ATXN7L3: variants seen among roughly 807,000 people sequenced by gnomAD.
ATXN7L3 encodes ataxin 7 like 3, also known as ataxin-7-like protein 3.
Under a neutral mutation model 50.0 loss-of-function variants are expected in ATXN7L3, and 6 were observed. The ratio of observed to expected loss-of-function variants is 0.12; its 90% CI spans 0.07 to 0.24. The LOEUF is 0.24. ATXN7L3 is among the 10% of genes least tolerant of loss of function. The pLI is 1.00. For missense variants in ATXN7L3, 322 were observed against 451.3 expected (o/e 0.71, Z 2.60); for synonymous variants, 198 against 165.8 (o/e 1.19, Z -1.49).
intron 1 of ATXN7L3, 21 bp from the exon 2 acceptor site, chr17:44,198,151 G>A (rs2055990292): frequency 1.4e-6 from 2 of 1,420,588 alleles, no homozygotes; most frequent in Non-Finnish European, 2.0e-6. Context: ...GGGGGTGGGG[G>A]TGTTGTTGTG....
At chr17:44,195,520 G>A (rs563567969) in intron 8 of ATXN7L3, 33 bp from the exon 9 acceptor site, 17 of 1,590,152 alleles carry the variant, frequency 1.1e-5, no homozygotes, top group South Asian at 6.6e-5. Context: ...GGTTAGAGAT[G>A]GGGCAGAGAA....
chr17:44,196,237 C>G (rs2055884573), intron 6 of ATXN7L3, 158 bp from the exon 7 acceptor site: 2 of 773,524 alleles, frequency 2.6e-6, no homozygotes, highest in African/African-American at 1.8e-5. Flanking sequence ...CCCCCACCCC[C>G]CTTCCCCACC....
At chr17:44,197,901 GCTATTCC>G (rs1445294059) in intron 2 of ATXN7L3, 112 bp downstream of exon 2, 11 of 1,509,410 alleles carry the variant, frequency 7.3e-6, no homozygotes, top group Non-Finnish European at 1.0e-5. Flanking sequence ...TTTTCAGCTG[GCTATTCC>G]CTTTAAGGAA....
rs1049948174 is a variant in ATXN7L3, at chr17:44,194,925, A to G, written c.666-86T>C. The G allele has an allele frequency of 3.9e-6, 6 of 1,527,790 alleles. No individual in the cohort carries two copies. The Admixed American group carries it at 8.5e-5, about 22-fold the overall frequency. The allele number at this position is 1,527,790 out of a possible 1,614,324, so 94.6% of individuals were successfully genotyped here. A position where few individuals can be genotyped will look rare whatever the true frequency, so the allele number is the denominator to read the frequency against. On this transcript the variant is annotated intron_variant, in intron 10 of 12. Transcript: ENST00000587097. ...CAAGGCAGGAGCCACAGGCACAGACAGGGAAGGGGTGAATGCAGATTCATC... is the reference window on the plus strand; with the variant it reads ...CAAGGCAGGAGCCACAGGCACAGACGGGGAAGGGGTGAATGCAGATTCATC...
chr17:44,194,738 AC>A (rs764591254), intron 11 of ATXN7L3, 29 bp downstream of exon 11: 5 of 1,613,600 alleles, frequency 3.1e-6, no homozygotes, highest in Middle Eastern at 1.7e-4. Flanking sequence ...ACTGGTCACA[AC>A]CCCCCACCCT....
chr17:44,194,447 T>C, intron 12 of ATXN7L3, 36 bp from the exon 13 acceptor site: 1 of 1,613,570 alleles, frequency 6.2e-7, no homozygotes, highest in South Asian at 1.1e-5. Flanking sequence ...GAGAGTATGG[T>C]TATGGCAGGA....
intron 9 of ATXN7L3, 99 bp downstream of exon 9, chr17:44,195,320 C>T (rs2144471719): frequency 3.6e-6 from 5 of 1,401,936 alleles, no homozygotes; most frequent in Non-Finnish European, 5.1e-6. Flanking sequence ...AACGATACGG[C>T]CCTGACTGCT....
rs549302665 is a variant in ATXN7L3, at chr17:44,194,038, G to A, written c.*225C>T. 9 of 568,574 alleles carry A rather than the reference G, an allele frequency of 1.6e-5. No individual in the cohort carries two copies. Among genetic ancestry groups the A allele is most frequent in the East Asian group, 6.1e-5 (2 of 32,968 alleles). 35.2% of individuals were successfully genotyped at this position (568,574 alleles called of 1,614,324 possible). The stretch of plus-strand genomic sequence containing the variant: ...GCCTCCCCACCAAACTTATGTCCAA[G>A]GCATAATATGTCCAGGTCTGAGTCC... On this transcript the variant is annotated 3_prime_UTR_variant, in exon 13 of 13. Transcript: ENST00000587097.
chr17:44,198,117 G>A lies in ATXN7L3; in HGVS notation c.-47C>T, dbSNP rs774393244. ...GCGCTCTGACTGCTCATAGCACAGC[G>A]GGCGGCAACACGGCTGCACACACGG... On this transcript the variant is annotated 5_prime_UTR_variant, in exon 2 of 13. Transcript: ENST00000587097. 53 of 1,592,628 alleles carry A rather than the reference G, an allele frequency of 3.3e-5. No homozygotes were observed. In the South Asian group the frequency reaches 4.8e-4, roughly 14 times the overall value.
At position 44,197,879 on chromosome 17, in the gene ATXN7L3, G is replaced by T. The variant is rs1385872081; in HGVS notation, c.51+141C>A. 4.6e-6 allele frequency: 7 copies of T among 1,517,724 alleles called. No individual in the cohort carries two copies. In the African/African-American group the frequency reaches 8.3e-5, roughly 18 times the overall value. 94.0% of individuals were successfully genotyped at this position (1,517,724 alleles called of 1,614,324 possible). On this transcript the variant is annotated intron_variant, in intron 2 of 12. Coordinates refer to ENST00000587097, the MANE Select transcript of ATXN7L3 (RefSeq NM_001382309.1). ...TGACTTCGTGTTCTTTCTTCTTCCT[G>T]GATCCTTGGCTTTTTCAGCTGGCTA...
chr17:44,198,365 C>T (rs2056000370), intron 1 of ATXN7L3: 1 of 399,922 alleles, frequency 2.5e-6, no homozygotes, highest in Admixed American at 4.2e-5. Flanking sequence ...GAGTCTGGGT[C>T]TATAGGAGGC....
chr17:44,197,060 G>A (rs369026765), intron 4 of ATXN7L3, 34 bp from the exon 5 acceptor site: 1 of 1,578,388 alleles, frequency 6.3e-7, no homozygotes, highest in Non-Finnish European at 8.7e-7. Context: ...GGGGCCAAGG[G>A]GAAGGAAGAG....
chr17:44,199,443 GCCCCCCA>G (rs1401111178), intron 1 of ATXN7L3, 46 bp downstream of exon 1: 51 of 45,412 alleles, frequency 1.1e-3, no homozygotes, highest in Admixed American at 3.1e-3. Flanking sequence ...CCCGCCCCCC[GCCCCCCA>G]CAGGCCCCTC....
rs1398783540 is a variant in ATXN7L3 at position 44,197,090 on chromosome 17, C to CCCCG, written c.357-68_357-65dup. The CCCCG allele has an allele frequency of 5.2e-6, 8 of 1,550,148 alleles. No homozygotes were observed. The East Asian group carries it at 1.8e-4, about 35-fold the overall frequency. Reference sequence around the variant, plus strand: ...GAAGAGAAAGGGGTCAAGGTGGTCACCCCGCTCTGCCCCCAACTTCAGAAG... The same window carrying CCCCG: ...GAAGAGAAAGGGGTCAAGGTGGTCACCCCGCCCGCTCTGCCCCCAACTTCAGAAG... On this transcript the variant is annotated intron_variant, in intron 4 of 12. Coordinates refer to ENST00000587097, the MANE Select transcript of ATXN7L3 (RefSeq NM_001382309.1).
intron 2 of ATXN7L3, 47 bp downstream of exon 2, chr17:44,197,973 G>C: frequency 6.3e-7 from 1 of 1,593,270 alleles, no homozygotes; most frequent in Non-Finnish European, 8.6e-7. Context: ...CAGCGACGTA[G>C]AGACATCAAG....
chr17:44,198,287 C>A (rs1416763608), intron 1 of ATXN7L3, 157 bp from the exon 2 acceptor site: 1 of 550,162 alleles, frequency 1.8e-6, no homozygotes, highest in Non-Finnish European at 3.2e-6. Context: ...TCCTTCAAGG[C>A]CTGAAACCTA....
intron 11 of ATXN7L3, 38 bp from the exon 12 acceptor site, chr17:44,194,712 A>C (rs570064706): frequency 1.2e-6 from 2 of 1,613,516 alleles, no homozygotes; most frequent in Admixed American, 1.7e-5. Flanking sequence ...CTTTAGAGAT[A>C]GTGATCATCG....
At chr17:44,197,802 T>G in intron 2 of ATXN7L3, 72 bp from the exon 3 acceptor site, 1 of 1,602,894 alleles carries the variant, frequency 6.2e-7, no homozygotes, top group Non-Finnish European at 8.5e-7. Context: ...CCAAATCTGC[T>G]GCCAACTGGC....
Position 44,194,693 on chromosome 17 carries a change from A to C in ATXN7L3, c.738-19T>G. The C allele has an allele frequency of 6.2e-7, 1 of 1,613,764 alleles. No homozygotes were observed. Among genetic ancestry groups the C allele is most frequent in the Non-Finnish European group, 8.5e-7 (1 of 1,179,702 alleles). ...AAGGACACTGGAAAGGGGATGAGCC[A>C]AAGAAGGGCTTTAGAGATAGTGATC... On this transcript the variant is annotated intron_variant, in intron 11 of 12. Coordinates refer to ENST00000587097, the MANE Select transcript of ATXN7L3 (RefSeq NM_001382309.1).
Sources: allele counts gnomAD v4.1 joint callset, GRCh38; gene constraint gnomAD v4.1.1; transcripts MANE v1.5; gene names NCBI Gene and HGNC (gene_info 2026-07-23, HGNC 2026-07-21).